The following CDC42EP4 variants were observed in gnomAD, a reference collection of about 807,000 sequenced individuals.
CDC42EP4 encodes CDC42 effector protein 4, also known as CDC42 effector protein (Rho GTPase binding) 4.
In CDC42EP4, 6 loss-of-function variants were observed where a neutral mutation model predicts 5.6. The observed-to-expected ratio is 1.07, with a 90% CI of 0.59 to 2.12. CDC42EP4 has a LOEUF of 2.12. Ranked by LOEUF, CDC42EP4 falls within the 30% of genes most tolerant of loss-of-function variation. CDC42EP4 has a pLI of 0.00. For missense variants in CDC42EP4, 490 were observed against 508.6 expected (o/e 0.96, Z 0.35); for synonymous variants, 230 against 224.2 (o/e 1.03, Z -0.23).
chr17:73,288,241 T>C (rs1047587237), intron 1 of CDC42EP4, among the ~76,000 whole-genome samples: 1 of 152,064 alleles, frequency 6.6e-6, no homozygotes, highest in Non-Finnish European at 1.5e-5. Context: ...CCCACTGCAG[T>C]ACAAACTTCT....
intron 1 of CDC42EP4, among the ~76,000 whole-genome samples, chr17:73,302,915 G>A (rs1486080406): frequency 6.7e-6 from 1 of 150,066 alleles, no homozygotes; most frequent in Non-Finnish European, 1.5e-5. Flanking sequence ...ATGGTGGCGG[G>A]CACCTGTAGT....
At chr17:73,287,169 C>G (rs919249582) in intron 1 of CDC42EP4, among the ~76,000 whole-genome samples, 1 of 152,190 alleles carries the variant, frequency 6.6e-6, no homozygotes, top group Non-Finnish European at 1.5e-5. Flanking sequence ...CTGACCAGCT[C>G]CTCCCCCTGC....
chr17:73,285,812 C>CA lies in CDC42EP4; in HGVS notation c.688dup (p.Trp230LeufsTer14). ...ACCACCCTCCCCCTCCTCGGGGTCC[C>CA]ACTCCTCCTTGTCCATGATGCTGAG... On this transcript the variant is annotated frameshift_variant, in exon 2 of 2. Coordinates refer to ENST00000335793, the MANE Select transcript of CDC42EP4 (RefSeq NM_012121.5). LOFTEE classifies it high-confidence loss of function. The surrounding 1 kb of genome is among the most constrained non-coding windows in gnomAD (Gnocchi z 6.8). 6.2e-7 allele frequency: 1 copy of CA among 1,608,814 alleles called. No individual in the cohort carries two copies. The highest frequency in any genetic ancestry group is 8.5e-7 in the Non-Finnish European group (1 of 1,175,646).
chr17:73,286,041 C>A lies in CDC42EP4; in HGVS notation c.460G>T (p.Asp154Tyr), dbSNP rs771224003. 6.2e-7 allele frequency: 1 copy of A among 1,613,892 alleles called. No individual in the cohort carries two copies. The highest frequency in any genetic ancestry group is 8.5e-7 in the Non-Finnish European group (1 of 1,180,022). ...VKKANDGEGG[D>Y]EEAGTEEAVP... The stretch of plus-strand genomic sequence containing the variant: ...GCCTCCTCCGTGCCCGCCTCCTCAT[C>A]GCCGCCCTCCCCGTCATTGGCCTTC... The change falls in exon 2 of 2, where the codon GAT becomes TAT. Residue 154 changes from aspartate to tyrosine, a missense_variant. Coordinates refer to ENST00000335793, the MANE Select transcript of CDC42EP4 (RefSeq NM_012121.5). The surrounding 1 kb of genome is among the most constrained non-coding windows in gnomAD (Gnocchi z 7.7).
rs761104279 is a variant in CDC42EP4 at position 73,286,164 on chromosome 17, C to A, written c.337G>T (p.Val113Phe). The A allele has an allele frequency of 1.2e-6, 2 of 1,614,136 alleles. No homozygotes were observed. The highest frequency in any genetic ancestry group is 2.2e-5 in the South Asian group (2 of 91,088). The stretch of plus-strand genomic sequence containing the variant: ...TGGGGCAGGGACATGGCATTCTTGA[C>A]AAACAGGGCCGAGTCCCGCAGGGAG... ...LGSLRDSALFVKNAMSLPQLN... is the reference protein window; with the variant it reads ...LGSLRDSALFFKNAMSLPQLN... The change falls in exon 2 of 2, where the codon GTC (valine) becomes TTC (phenylalanine). Residue 113 changes from valine (V) to phenylalanine (F), a missense_variant. Transcript: ENST00000335793. This position sits in a 1 kb window ranked among gnomAD's most constrained non-coding sequence, Gnocchi z 7.7.
chr17:73,308,838 C>T (rs527935932), intron 1 of CDC42EP4, among the ~76,000 whole-genome samples: 8 of 151,252 alleles, frequency 5.3e-5, no homozygotes, highest in Admixed American at 4.0e-4. Context: ...AGTTCGCGAC[C>T]GGCCTGGGCA....
At chr17:73,288,345 G>A (rs1599429714) in intron 1 of CDC42EP4, among the ~76,000 whole-genome samples, 1 of 151,682 alleles carries the variant, frequency 6.6e-6, no homozygotes, top group Non-Finnish European at 1.5e-5. Flanking sequence ...GGGTTCTAGC[G>A]ATTCTCTTGC....
intron 1 of CDC42EP4, among the ~76,000 whole-genome samples, chr17:73,308,894 C>T (rs1013469707): frequency 4.6e-5 from 7 of 151,570 alleles, no homozygotes; most frequent in Non-Finnish European, 1.0e-4. Context: ...AAAAATTAGC[C>T]GGGCGTGGTG....
At chr17:73,287,537 T>C (rs1054492294) in intron 1 of CDC42EP4, among the ~76,000 whole-genome samples, 1 of 152,130 alleles carries the variant, frequency 6.6e-6, no homozygotes, top group African/African-American at 2.4e-5. Context: ...CTCTCACAGC[T>C]CCTGACAAGG....
intron 1 of CDC42EP4, among the ~76,000 whole-genome samples, chr17:73,295,918 AAAAAGAATG>A (rs2062182163): frequency 6.6e-6 from 1 of 151,796 alleles, no homozygotes; most frequent in African/African-American, 2.4e-5. Flanking sequence ...AAAAAAAAAA[AAAAAGAATG>A]ATGGTTTTAA....
chr17:73,307,678 G>C (rs1245317036), intron 1 of CDC42EP4, among the ~76,000 whole-genome samples: 4 of 151,210 alleles, frequency 2.6e-5, no homozygotes, highest in South Asian at 4.2e-4. Context: ...TCGATCTCCT[G>C]ACCTCCTGAT....
intron 1 of CDC42EP4, chr17:73,309,650 A>G (rs547783448): frequency 4.6e-5 from 7 of 152,806 alleles, no homozygotes; most frequent in Admixed American, 3.9e-4. Flanking sequence ...AGAATCATTC[A>G]CAGCACAGGC....
chr17:73,301,787 A>G (rs1291737938), intron 1 of CDC42EP4, among the ~76,000 whole-genome samples: 1 of 149,692 alleles, frequency 6.7e-6, no homozygotes, highest in Non-Finnish European at 1.5e-5. Flanking sequence ...GCTCACTGCA[A>G]CCTCTGCCTC....
chr17:73,302,362 CTCTT>C (rs1949347832), intron 1 of CDC42EP4, among the ~76,000 whole-genome samples: 1 of 152,200 alleles, frequency 6.6e-6, no homozygotes, highest in Admixed American at 6.5e-5. Flanking sequence ...TGAAACATCT[CTCTT>C]TCTGGCACTT....
chr17:73,288,399 C>T (rs796917715), intron 1 of CDC42EP4, among the ~76,000 whole-genome samples: 7 of 151,690 alleles, frequency 4.6e-5, no homozygotes, highest in East Asian at 1.9e-4. Context: ...CACACCACCA[C>T]GTCCAGCTAT....
chr17:73,295,943 A>G (rs373216696), intron 1 of CDC42EP4, among the ~76,000 whole-genome samples: 1 of 151,818 alleles, frequency 6.6e-6, no homozygotes, highest in African/African-American at 2.4e-5. Context: ...TTTAAAATGA[A>G]TATGATTCAG....
chr17:73,310,230 T>C (rs1599445929), intron 1 of CDC42EP4: 1 of 152,216 alleles, frequency 6.6e-6, no homozygotes, highest in Non-Finnish European at 1.5e-5. Context: ...TCCACCCTGC[T>C]GGTGGTCCCT....
At chr17:73,296,912 C>T (rs1599435201) in intron 1 of CDC42EP4, among the ~76,000 whole-genome samples, 4 of 132,874 alleles carry the variant, frequency 3.0e-5, no homozygotes, top group East Asian at 5.0e-4. Context: ...ACCCGGGAGG[C>T]GGAGCTTGCA....
chr17:73,309,979 T>A (rs1414902725), intron 1 of CDC42EP4: 1 of 152,464 alleles, frequency 6.6e-6, no homozygotes, highest in Non-Finnish European at 1.5e-5. Flanking sequence ...GGGCAGTTGA[T>A]GAGAGCAGGA....
Sources: gnomAD v4.1 joint callset for allele counts (sites outside exome capture counted in the v4.1 genomes callset) on GRCh38, gnomAD v4.1.1 for gene constraint, Gnocchi (gnomAD v3.1) non-coding constraint, MANE v1.5 for transcripts, NCBI Gene and HGNC (gene_info 2026-07-23, HGNC 2026-07-21) for gene names.